Variants in ELL2 observed in about 807,000 individuals in gnomAD.
ELL2 encodes the protein elongation factor for RNA polymerase II 2, also known as RNA polymerase II elongation factor ELL2.
A neutral mutation model predicts 72.8 loss-of-function variants in ELL2; 21 were observed. That is an observed-to-expected ratio of 0.29 (90% confidence interval 0.20 to 0.42). The LOEUF (loss-of-function observed/expected upper bound fraction) is 0.42, where lower values mean the gene tolerates loss of function less well. ELL2 is among the 10% of genes least tolerant of loss of function. The pLI, the probability that ELL2 is intolerant of heterozygous loss-of-function variation, is 1.00. For missense variants in ELL2, 568 were observed against 772.8 expected (o/e 0.73, Z 3.14); for synonymous variants, 266 against 283.2 (o/e 0.94, Z 0.61).
rs747549789 is a variant in ELL2, at chr5:95,961,656, C to G, written c.66G>C (p.Leu22=). The G allele has an allele frequency of 1.2e-6, 2 of 1,610,472 alleles. No individual in the cohort carries two copies. The highest frequency in any genetic ancestry group is 2.7e-5 in the African/African-American group (2 of 74,340). ...GCAGTACGGTGATGTTGTCCTGCCC[C>G]AGCCGTCCGCACGACAGCCCATAGC... ...EQRYGLSCGR[L]GQDNITVLHV... Residue 22 remains leucine, a synonymous_variant, in exon 1 of 12, where the codon CTG becomes CTC. Coordinates refer to ENST00000237853, the MANE Select transcript of ELL2 (RefSeq NM_012081.6).
At chr5:95,959,664 G>C (rs1424764670) in intron 1 of ELL2, among the ~76,000 whole-genome samples, 1 of 152,092 alleles carries the variant, frequency 6.6e-6, no homozygotes, top group Non-Finnish European at 1.5e-5. Flanking sequence ...ATCTCTCCCA[G>C]CCATTCTTGA....
intron 4 of ELL2, among the ~76,000 whole-genome samples, chr5:95,907,827 T>C (rs940330058): frequency 6.6e-6 from 1 of 152,184 alleles, no homozygotes; most frequent in Non-Finnish European, 1.5e-5. Context: ...GACTAACAAC[T>C]AGAAATAATG....
At chr5:95,949,752 A>G (rs1751305726) in intron 1 of ELL2, among the ~76,000 whole-genome samples, 1 of 152,122 alleles carries the variant, frequency 6.6e-6, no homozygotes, top group Non-Finnish European at 1.5e-5. Flanking sequence ...ACTTTGCCCA[A>G]AACAAAAAAA....
At chr5:95,897,404 G>A (rs1748915779) in intron 8 of ELL2, among the ~76,000 whole-genome samples, 1 of 152,126 alleles carries the variant, frequency 6.6e-6, no homozygotes, top group Non-Finnish European at 1.5e-5. Flanking sequence ...TCTATGTGGT[G>A]GCATGCAAGG....
rs1748964671 is a variant in ELL2, at chr5:95,898,414, T to C, written c.1351A>G (p.Met451Val). The C allele has an allele frequency of 6.2e-6, 10 of 1,613,464 alleles. No individual in the cohort carries two copies. The highest frequency in any genetic ancestry group is 2.7e-5 in the African/African-American group (2 of 75,018). The change falls in exon 8 of 12, where the codon ATG becomes GTG. Residue 451 changes from methionine (M) to valine (V), a missense_variant. Met to Val is a conservative substitution (Grantham distance 21). Coordinates refer to ENST00000237853, the MANE Select transcript of ELL2 (RefSeq NM_012081.6). ...TGAGACATTGAATGGTTTTCTTCCA[T>C]AGGCTTTGGACACTTTAGTAGAACG... ...GSVLLKCPKP[M>V]EENHSMSHKK...
chr5:95,892,645 C>T (rs1336400212), intron 9 of ELL2, among the ~76,000 whole-genome samples: 1 of 152,118 alleles, frequency 6.6e-6, no homozygotes, highest in East Asian at 1.9e-4. Context: ...CACATATATT[C>T]TTCACTGCCA....
At chr5:95,948,725 A>G (rs551758398) in intron 1 of ELL2, among the ~76,000 whole-genome samples, 1 of 152,316 alleles carries the variant, frequency 6.6e-6, no homozygotes, top group Non-Finnish European at 1.5e-5. Flanking sequence ...CTTTAAGTAA[A>G]TATTTTCACC....
intron 4 of ELL2, among the ~76,000 whole-genome samples, chr5:95,908,105 T>G (rs994814737): frequency 6.6e-6 from 1 of 152,220 alleles, no homozygotes; most frequent in African/African-American, 2.4e-5. Flanking sequence ...AACTCAACAT[T>G]AAGGGGACAC....
chr5:95,916,765 C>T (rs1015244172), intron 3 of ELL2, among the ~76,000 whole-genome samples: 34 of 149,180 alleles, frequency 2.3e-4, no homozygotes, highest in Middle Eastern at 3.4e-3. Flanking sequence ...AAAAAACCCA[C>T]TGACAGAGGA....
At chr5:95,949,884 C>T (rs1751310644) in intron 1 of ELL2, among the ~76,000 whole-genome samples, 1 of 152,162 alleles carries the variant, frequency 6.6e-6, no homozygotes, top group Admixed American at 6.5e-5. Flanking sequence ...ATTTTTACTA[C>T]CACCTCTGGG....
rs1751882392 is a variant in ELL2 at position 95,961,802 on chromosome 5, G to A, written c.-81C>T. On this transcript the variant is annotated 5_prime_UTR_variant, in exon 1 of 12. Transcript: ENST00000237853. ...GGCCGCGGCTGCTTGGGCTTCTGCA[G>A]CCGCCGCCACTGCTAGGGCCATCCC... is the stretch of plus-strand genomic sequence containing the variant. 2.0e-6 allele frequency: 3 copies of A among 1,468,320 alleles called. No individual in the cohort carries two copies. The South Asian group carries it at 4.0e-5, about 20-fold the overall frequency. 91.0% of individuals were successfully genotyped at this position (1,468,320 alleles called of 1,614,324 possible).
intron 1 of ELL2, among the ~76,000 whole-genome samples, chr5:95,957,783 A>T (rs1177505675): frequency 1.3e-5 from 2 of 152,220 alleles, no homozygotes; most frequent in Non-Finnish European, 2.9e-5. Context: ...AAAAAAAACA[A>T]GATTTCAAAA....
chr5:95,896,767 C>A (rs1268547491), intron 8 of ELL2, among the ~76,000 whole-genome samples: 1 of 152,198 alleles, frequency 6.6e-6, no homozygotes, highest in South Asian at 2.1e-4. Flanking sequence ...CTGAAAGTTA[C>A]TATATCCTCA....
chr5:95,924,957 T>C (rs1750233394), intron 2 of ELL2, among the ~76,000 whole-genome samples: 1 of 152,170 alleles, frequency 6.6e-6, no homozygotes, highest in Admixed American at 6.5e-5. Context: ...AGAAGCACAA[T>C]GTGCACACTG....
chr5:95,892,426 C>T (rs1293754531), intron 9 of ELL2, among the ~76,000 whole-genome samples: 2 of 152,262 alleles, frequency 1.3e-5, no homozygotes, highest in South Asian at 2.1e-4. Flanking sequence ...GGATTATAGG[C>T]GTGAGCCACT....
chr5:95,907,277 G>GATATATATATATATAT (rs748817419), intron 4 of ELL2, among the ~76,000 whole-genome samples: 2 of 119,928 alleles, frequency 1.7e-5, no homozygotes, highest in African/African-American at 7.1e-5. Context: ...ATCCGTTAGT[G>GATATATATATATATAT]ATATATATAT....
chr5:95,961,747 C>T lies in ELL2; in HGVS notation c.-26G>A. ...CTTAAACTCCCCGGGGTGCCGCCGC[C>T]GCCGCCGCTCCGGCTCTAGCCTCCA... On this transcript the variant is annotated 5_prime_UTR_variant, in exon 1 of 12. Coordinates refer to ENST00000237853, the MANE Select transcript of ELL2 (RefSeq NM_012081.6). 1.3e-6 allele frequency: 2 copies of T among 1,575,906 alleles called. No individual in the cohort carries two copies. Among genetic ancestry groups the T allele is most frequent in the South Asian group, 2.3e-5 (2 of 87,494 alleles).
chr5:95,944,242 G>A (rs1286676116), intron 1 of ELL2, among the ~76,000 whole-genome samples: 1 of 152,120 alleles, frequency 6.6e-6, no homozygotes, highest in Non-Finnish European at 1.5e-5. Flanking sequence ...CAGACCACCT[G>A]AATGTAAAAT....
At chr5:95,934,487 T>C (rs1750704896) in intron 2 of ELL2, among the ~76,000 whole-genome samples, 1 of 152,198 alleles carries the variant, frequency 6.6e-6, no homozygotes, top group African/African-American at 2.4e-5. Context: ...CACTTTACAA[T>C]GCCACTGCTC....
Sources: allele counts gnomAD v4.1 joint callset (sites outside exome capture counted in the v4.1 genomes callset), GRCh38; gene constraint gnomAD v4.1.1; transcripts MANE v1.5; gene names NCBI Gene and HGNC (gene_info 2026-07-23, HGNC 2026-07-21).